Variants in PLCB1 observed in about 807,000 individuals in gnomAD.
PLCB1 encodes 1-phosphatidylinositol 4,5-bisphosphate phosphodiesterase beta-1.
Under a neutral mutation model 161.8 loss-of-function variants are expected in PLCB1, and 46 were observed. The ratio of observed to expected loss-of-function variants is 0.28; its 90% CI spans 0.22 to 0.36. PLCB1 has a LOEUF of 0.36. Ranked by LOEUF, PLCB1 falls within the 10% of genes least tolerant of loss-of-function variation. The pLI, the probability that PLCB1 is intolerant of heterozygous loss-of-function variation, is 1.00. For missense variants in PLCB1, 1,016 were observed against 1,472.5 expected (o/e 0.69, Z 5.07); for synonymous variants, 517 against 503.7 (o/e 1.03, Z -0.35).
intron 3 of PLCB1, among the ~76,000 whole-genome samples, chr20:8,588,651 A>G (rs571088962): frequency 6.6e-5 from 10 of 152,252 alleles, no homozygotes; most frequent in Non-Finnish European, 1.3e-4. Flanking sequence ...CACAGCAAGA[A>G]AGCAGCTATC....
intron 3 of PLCB1, among the ~76,000 whole-genome samples, chr20:8,521,038 T>C (rs943536229): frequency 2.0e-5 from 3 of 152,120 alleles, no homozygotes; most frequent in Non-Finnish European, 4.4e-5. Context: ...ATAGCAGATA[T>C]ATCTAAGCTT....
At chr20:8,705,263 G>A (rs572643855) in intron 11 of PLCB1, among the ~76,000 whole-genome samples, 41 of 152,126 alleles carry the variant, frequency 2.7e-4, no homozygotes, top group African/African-American at 9.9e-4. Flanking sequence ...AATGCTACCT[G>A]GTCCTTTATG....
intron 2 of PLCB1, among the ~76,000 whole-genome samples, chr20:8,327,035 G>A (rs970663015): frequency 1.4e-4 from 21 of 152,138 alleles, no homozygotes; most frequent in Non-Finnish European, 2.5e-4. Context: ...ACAGGCGTGC[G>A]CCACCATGCT....
At chr20:8,362,807 CTT>C (rs1986587776) in intron 2 of PLCB1, among the ~76,000 whole-genome samples, 4 of 152,212 alleles carry the variant, frequency 2.6e-5, no homozygotes, top group Admixed American at 2.0e-4. Context: ...TGAAAAAAGA[CTT>C]AAGTGGTTTT....
Position 8,362,190 on chromosome 20 carries a change from A to G in PLCB1, c.178-9192A>G, listed in dbSNP as rs187826450. On this transcript the variant is annotated intron_variant, in intron 2 of 31. Coordinates refer to ENST00000338037, the MANE Select transcript of PLCB1 (RefSeq NM_015192.4). Reference sequence around the variant, plus strand: ...TGGAAAAATAAAACACGTGCTATAAAGAGCCAATATATTTCTGAAATTATT... The same window carrying G: ...TGGAAAAATAAAACACGTGCTATAAGGAGCCAATATATTTCTGAAATTATT... 1.7e-3 allele frequency among the ~76,000 whole-genome samples: 253 copies of G among 152,324 alleles called. 1 individual carries two copies. Among genetic ancestry groups the G allele is most frequent in the African/African-American group, 5.9e-3 (244 of 41,578 alleles).
intron 3 of PLCB1, among the ~76,000 whole-genome samples, chr20:8,459,578 A>C (rs1389799728): frequency 6.6e-6 from 1 of 152,206 alleles, no homozygotes; most frequent in Non-Finnish European, 1.5e-5. Flanking sequence ...CTGATGTATA[A>C]AAAGCATGTG....
chr20:8,721,078 T>C (rs892330638), intron 14 of PLCB1, among the ~76,000 whole-genome samples: 1 of 152,220 alleles, frequency 6.6e-6, no homozygotes, highest in Admixed American at 6.5e-5. Context: ...CCCTTGCTGG[T>C]CCCAGAAATC....
intron 2 of PLCB1, among the ~76,000 whole-genome samples, chr20:8,335,228 T>C (rs1456223832): frequency 1.3e-5 from 2 of 152,204 alleles, no homozygotes; most frequent in Non-Finnish European, 2.9e-5. Flanking sequence ...TGCAGACCAT[T>C]TGGTGCTGGA....
At position 8,172,198 on chromosome 20, in the gene PLCB1, C is replaced by T. The variant is rs142396482; in HGVS notation, c.177+21827C>T. Among the ~76,000 whole-genome samples the T allele has an allele frequency of 2.2e-4, 34 of 152,206 alleles. No individual in the cohort carries two copies. The East Asian group carries it at 6.2e-3, about 28-fold the overall frequency. ...TAGATAATATACAACTACCTAAATG[C>T]ATAGTAAGCAAGATATTGTACCATT... is the stretch of plus-strand genomic sequence containing the variant. On this transcript the variant is annotated intron_variant, in intron 2 of 31. Transcript: ENST00000338037.
chr20:8,673,827 G>T lies in PLCB1; in HGVS notation c.863-11105G>T, dbSNP rs528078010. The stretch of plus-strand genomic sequence containing the variant: ...ATATTTGTTGAGCATTTACAAGCCA[G>T]GCACTGTTGTGAGTTCTAAAGATCA... On this transcript the variant is annotated intron_variant, in intron 9 of 31. Coordinates refer to ENST00000338037, the MANE Select transcript of PLCB1 (RefSeq NM_015192.4). Among the ~76,000 whole-genome samples the T allele has an allele frequency of 1.4e-4, 22 of 152,216 alleles. No homozygotes were observed. The South Asian group carries it at 1.7e-3, about 11-fold the overall frequency.
chr20:8,254,728 A>G, intron 2 of PLCB1, among the ~76,000 whole-genome samples: 1 of 152,030 alleles, frequency 6.6e-6, no homozygotes, highest in Non-Finnish European at 1.5e-5. Context: ...AAAATAATGT[A>G]TGCCTCTTCC....
At chr20:8,192,160 A>G (rs1252291295) in intron 2 of PLCB1, among the ~76,000 whole-genome samples, 2 of 152,024 alleles carry the variant, frequency 1.3e-5, no homozygotes, top group African/African-American at 4.8e-5. Context: ...AGACTTTCTA[A>G]TGGTGCACTA....
At position 8,239,513 on chromosome 20, in the gene PLCB1, A is replaced by C. The variant is rs150536236; in HGVS notation, c.177+89142A>C. On this transcript the variant is annotated intron_variant, in intron 2 of 31. Coordinates refer to ENST00000338037, the MANE Select transcript of PLCB1 (RefSeq NM_015192.4). ...ACCAAATGCAGTTTGAAAAGTGTTA[A>C]GTTTTGTCTCTAGTAAATTGCATGT... Among the ~76,000 whole-genome samples the C allele has an allele frequency of 3.6e-3, 541 of 151,954 alleles. 8 individuals carry two copies. The highest frequency in any genetic ancestry group is 0.026 in the East Asian group (133 of 5,132).
chr20:8,757,565 CCAACTTTCTTTT>C (rs1238918845), intron 24 of PLCB1, among the ~76,000 whole-genome samples: 14 of 152,264 alleles, frequency 9.2e-5, no homozygotes, highest in African/African-American at 3.4e-4. Context: ...CCCTCTTTCT[CCAACTTTCTTTT>C]CAACATCTTT....
At chr20:8,695,696 C>A (rs957144298) in intron 10 of PLCB1, among the ~76,000 whole-genome samples, 2 of 152,058 alleles carry the variant, frequency 1.3e-5, no homozygotes, top group Admixed American at 1.3e-4. Context: ...AGTGAGATCC[C>A]ATTTCAAAGA....
chr20:8,613,691 A>G (rs1987966335), intron 3 of PLCB1, among the ~76,000 whole-genome samples: 1 of 152,164 alleles, frequency 6.6e-6, no homozygotes, highest in Admixed American at 6.6e-5. Flanking sequence ...ATTTTTCTCA[A>G]TATTATAGTA....
intron 2 of PLCB1, among the ~76,000 whole-genome samples, chr20:8,290,498 T>G (rs1022572965): frequency 2.6e-5 from 4 of 152,102 alleles, no homozygotes; most frequent in African/African-American, 9.7e-5. Context: ...ACCAATCACA[T>G]CAGTCCTGGG....
chr20:8,705,384 A>G (rs994193844), intron 11 of PLCB1, among the ~76,000 whole-genome samples: 4 of 152,206 alleles, frequency 2.6e-5, no homozygotes, highest in Admixed American at 1.3e-4. Context: ...CATTCATTTG[A>G]AAGTATTTCC....
intron 2 of PLCB1, among the ~76,000 whole-genome samples, chr20:8,354,939 T>C (rs1455963696): frequency 2.6e-5 from 4 of 152,138 alleles, no homozygotes; most frequent in African/African-American, 9.7e-5. Context: ...CCTACATATA[T>C]TAGAGAACGC....
Sources: gnomAD v4.1 joint callset for allele counts (sites outside exome capture counted in the v4.1 genomes callset) on GRCh38, gnomAD v4.1.1 for gene constraint, MANE v1.5 for transcripts, NCBI Gene and HGNC (gene_info 2026-07-23, HGNC 2026-07-21) for gene names.